OPRM1: variants seen among roughly 807,000 people sequenced by gnomAD.
OPRM1 encodes mu-type opioid receptor.
Under a neutral mutation model 31.8 loss-of-function variants are expected in OPRM1, and 27 were observed. That is an observed-to-expected ratio of 0.85 (90% CI 0.63 to 1.17). OPRM1 has a LOEUF of 1.17. Ranked by LOEUF, OPRM1 falls within the 50% of genes most tolerant of loss-of-function variation. The pLI is 0.00. For missense variants in OPRM1, 536 were observed against 511.1 expected (o/e 1.05, Z -0.47); for synonymous variants, 196 against 189.9 (o/e 1.03, Z -0.26).
intron 1 of OPRM1, among the ~76,000 whole-genome samples, chr6:154,064,204 A>G (rs1784924442): frequency 6.6e-6 from 1 of 152,088 alleles, no homozygotes; most frequent in Non-Finnish European, 1.5e-5. Flanking sequence ...ACTGTGGTTT[A>G]ATTTGCATTG....
chr6:154,230,479 GC>G (rs1779631896), intron 3 of OPRM1, among the ~76,000 whole-genome samples: 1 of 152,136 alleles, frequency 6.6e-6, no homozygotes, highest in Non-Finnish European at 1.5e-5. Context: ...GATAACATTT[GC>G]CCTTTTCGTA....
At chr6:154,152,347 G>GAAAAAGAAAGAAAGAAAGAAAGAAA in intron 3 of OPRM1, among the ~76,000 whole-genome samples, 1 of 65,132 alleles carries the variant, frequency 1.5e-5, no homozygotes, top group East Asian at 4.5e-4. Flanking sequence ...AAGAAAGAAA[G>GAAAAAGAAAGAAAGAAAGAAAGAAA]GAAAGAAAGA....
chr6:154,186,619 CG>C (rs969083780), intron 3 of OPRM1, among the ~76,000 whole-genome samples: 2 of 151,652 alleles, frequency 1.3e-5, no homozygotes, highest in Non-Finnish European at 2.9e-5. Flanking sequence ...TGCAGTGGTG[CG>C]ATCTTGGCTC....
chr6:154,029,788 TATC>T (rs992868632), intron 1 of OPRM1, among the ~76,000 whole-genome samples: 1 of 152,190 alleles, frequency 6.6e-6, no homozygotes, highest in African/African-American at 2.4e-5. Flanking sequence ...GTGAATGAGT[TATC>T]ATGAGATCTG....
intron 1 of OPRM1, among the ~76,000 whole-genome samples, chr6:154,063,504 A>G (rs1174756434): frequency 6.6e-6 from 1 of 151,840 alleles, no homozygotes; most frequent in Non-Finnish European, 1.5e-5. Context: ...CATGCAACAT[A>G]AAGTTTCCAT....
At chr6:154,152,388 G>GAAAGAAA (rs1401388362) in intron 3 of OPRM1, among the ~76,000 whole-genome samples, 1 of 151,070 alleles carries the variant, frequency 6.6e-6, no homozygotes, top group Non-Finnish European at 1.5e-5. Context: ...AAGAAAGAAA[G>GAAAGAAA]AAAGAGAAAT....
intron 1 of OPRM1, among the ~76,000 whole-genome samples, chr6:154,013,712 G>A (rs1278564153): frequency 1.3e-5 from 2 of 152,086 alleles, no homozygotes; most frequent in African/African-American, 4.8e-5. Flanking sequence ...ATGTTGGCGG[G>A]GGTTGGCTGA....
At chr6:154,058,610 A>G (rs1783793756) in intron 1 of OPRM1, among the ~76,000 whole-genome samples, 1 of 152,198 alleles carries the variant, frequency 6.6e-6, no homozygotes, top group Non-Finnish European at 1.5e-5. Flanking sequence ...ACAAATAAAC[A>G]TGAACGTAGT....
At chr6:154,212,833 C>G (rs748973860) in intron 3 of OPRM1, 1 of 1,613,076 alleles carries the variant, frequency 6.2e-7, no homozygotes, top group Non-Finnish European at 8.5e-7. Context: ...CTGGATCTTC[C>G]TGTTCACTTT....
chr6:154,245,089 A>G (rs991366584), intron 3 of OPRM1, among the ~76,000 whole-genome samples: 5 of 152,194 alleles, frequency 3.3e-5, no homozygotes, highest in Non-Finnish European at 1.5e-5. Flanking sequence ...ACTCTCTTAC[A>G]ATAGAAGGCA....
At chr6:154,184,490 A>AC (rs1554290140) in intron 3 of OPRM1, among the ~76,000 whole-genome samples, 1 of 151,710 alleles carries the variant, frequency 6.6e-6, no homozygotes, top group Non-Finnish European at 1.5e-5. Context: ...TTCTATTTAC[A>AC]TTTTTTTTAA....
intron 2 of OPRM1, 101 bp downstream of exon 2, chr6:154,090,279 T>C: frequency 1.4e-6 from 1 of 733,406 alleles, no homozygotes; most frequent in Non-Finnish European, 2.2e-6. Context: ...ATTGTCTTAG[T>C]CACATTGTAA....
At position 154,131,709 on chromosome 6, in the gene OPRM1, C is replaced by G. The variant is rs908515433; in HGVS notation, c.*12988C>G. Among the ~76,000 whole-genome samples the G allele has an allele frequency of 3.9e-5, 6 of 152,150 alleles. No homozygotes were observed. Among genetic ancestry groups the G allele is most frequent in the African/African-American group, 1.4e-4 (6 of 41,438 alleles). Reference sequence around the variant, plus strand: ...ATGAAAACACAATCACCTTTCAAAACATGGTATGAAATCCACAGTTGTAAC... The same window carrying G: ...ATGAAAACACAATCACCTTTCAAAAGATGGTATGAAATCCACAGTTGTAAC... On this transcript the variant is annotated 3_prime_UTR_variant, in exon 4 of 4. Coordinates refer to ENST00000330432, the MANE Select transcript of OPRM1 (RefSeq NM_000914.5).
At position 154,168,169 on chromosome 6, in the gene OPRM1, G is replaced by A. The variant is rs932796654; in HGVS notation, c.1164+76697G>A. The A allele has an allele frequency of 2.9e-6, 4 of 1,365,546 alleles. No individual in the cohort carries two copies. Among genetic ancestry groups the A allele is most frequent in the African/African-American group, 2.9e-5 (2 of 68,934 alleles). The allele number at this position is 1,365,546 out of a possible 1,614,324, so 84.6% of individuals were successfully genotyped here. A position where few individuals can be genotyped will look rare whatever the true frequency, so the allele number is the denominator to read the frequency against. On this transcript the variant is annotated intron_variant, in intron 3 of 3. Transcript: ENST00000337049. This position sits in a 1 kb window ranked among gnomAD's most constrained non-coding sequence, Gnocchi z 4.1. ...AATAAACCCAGTGAAAAATCAAGGAGAGAACATTCAATACTGTGGTCCCAA... is the reference window on the plus strand; with the variant it reads ...AATAAACCCAGTGAAAAATCAAGGAAAGAACATTCAATACTGTGGTCCCAA...
At chr6:154,076,659 G>C (rs1787944898) in intron 1 of OPRM1, among the ~76,000 whole-genome samples, 1 of 152,060 alleles carries the variant, frequency 6.6e-6, no homozygotes, top group African/African-American at 2.4e-5. Context: ...TCCAGATCCT[G>C]AATCTGACAC....
intron 3 of OPRM1, among the ~76,000 whole-genome samples, chr6:154,143,194 C>T (rs891837562): frequency 6.6e-6 from 1 of 152,144 alleles, no homozygotes; most frequent in African/African-American, 2.4e-5. Context: ...TGCCTTTCTA[C>T]AGTAAGCCAA....
intron 3 of OPRM1, among the ~76,000 whole-genome samples, chr6:154,180,348 A>G (rs774278522): frequency 2.8e-4 from 17 of 61,450 alleles, no homozygotes; most frequent in Non-Finnish European, 6.5e-4. Context: ...GAAAGGAGAC[A>G]TATATATATA....
Position 154,089,901 on chromosome 6 carries a change from C to G in OPRM1, c.366C>G (p.Thr122=). The G allele has an allele frequency of 6.2e-7, 1 of 1,614,078 alleles. No homozygotes were observed. Among genetic ancestry groups the G allele is most frequent in the Non-Finnish European group, 8.5e-7 (1 of 1,179,992 alleles). Residue 122 remains threonine, a synonymous_variant, in exon 2 of 4, where the codon ACC becomes ACG. Transcript: ENST00000330432. ...TGGCAGATGCCTTAGCCACCAGTAC[C>G]CTGCCCTTCCAGAGTGTGAATTACC... ...LALADALATS[T]LPFQSVNYLM...
At chr6:154,140,717 GAT>G (rs1313014198) in intron 3 of OPRM1, among the ~76,000 whole-genome samples, 1 of 152,116 alleles carries the variant, frequency 6.6e-6, no homozygotes, top group Non-Finnish European at 1.5e-5. Context: ...ATGAATCATA[GAT>G]ATACAGGTCA....
Sources: gnomAD v4.1 joint callset for allele counts (sites outside exome capture counted in the v4.1 genomes callset) on GRCh38, gnomAD v4.1.1 for gene constraint, Gnocchi (gnomAD v3.1) non-coding constraint, MANE v1.5 for transcripts, NCBI Gene and HGNC (gene_info 2026-07-23, HGNC 2026-07-21) for gene names.